CHMP1A: variants seen among roughly 807,000 people sequenced by gnomAD.
The protein encoded by CHMP1A is VPS46 homolog A.
CHMP1A carries 17 observed loss-of-function variants against 27.0 expected under a neutral mutation model. The ratio of observed to expected loss-of-function variants is 0.63; its 90% CI spans 0.43 to 0.95. The LOEUF (loss-of-function observed/expected upper bound fraction) is 0.95, where lower values mean the gene tolerates loss of function less well. Ranked by LOEUF, CHMP1A falls within the 40% of genes least tolerant of loss-of-function variation. The probability of loss-of-function intolerance (pLI) is 0.00; values close to 1 mark genes in which losing one functional copy is unlikely to be tolerated. For synonymous variants in CHMP1A, 131 were observed against 107.5 expected (o/e 1.22, Z -1.35); for missense variants, 275 against 264.0 (o/e 1.04, Z -0.29).
intron 4 of CHMP1A, 76 bp from the exon 5 acceptor site, chr16:89,647,407 G>A: frequency 1.4e-6 from 2 of 1,429,992 alleles, no homozygotes; most frequent in South Asian, 1.3e-5. Flanking sequence ...GGGTCCCCTG[G>A]ACTCTGACAG....
rs1267880219 is a variant in CHMP1A, at chr16:89,657,631, G to C, written c.-43C>G. ...CAGCACTCGGAGAGGGAGAAGGGAC[G>C]CCAACTCCGGGCGGTGTCAGGTCCC... On this transcript the variant is annotated 5_prime_UTR_variant, in exon 1 of 7. Transcript: ENST00000397901. The C allele has an allele frequency of 1.9e-6, 3 of 1,608,670 alleles. No individual in the cohort carries two copies. Among genetic ancestry groups the C allele is most frequent in the Non-Finnish European group, 2.5e-6 (3 of 1,178,226 alleles).
chr16:89,651,765 C>G, intron 2 of CHMP1A, 119 bp from the exon 3 acceptor site: 2 of 970,474 alleles, frequency 2.1e-6, no homozygotes, highest in Non-Finnish European at 3.0e-6. Flanking sequence ...AAGCCCCCAT[C>G]AGCCAGCCTG....
At chr16:89,649,539 G>A (rs199772076) in intron 3 of CHMP1A, 42 bp from the exon 4 acceptor site, 3 of 1,610,792 alleles carry the variant, frequency 1.9e-6, no homozygotes, top group Non-Finnish European at 2.5e-6. Flanking sequence ...GCTTGGTGGT[G>A]TGTGTGCCCC....
chr16:89,650,114 A>G (rs1597788498), intron 3 of CHMP1A, among the ~76,000 whole-genome samples: 1 of 152,156 alleles, frequency 6.6e-6, no homozygotes, highest in Non-Finnish European at 1.5e-5. Flanking sequence ...CCAAAGTCCA[A>G]TACGCTGGGA....
intron 3 of CHMP1A, 47 bp from the exon 4 acceptor site, chr16:89,649,544 T>C (rs775307109): frequency 3.3e-5 from 53 of 1,608,156 alleles, no homozygotes; most frequent in Non-Finnish European, 4.2e-5. Flanking sequence ...GTGGTGTGTG[T>C]GCCCCCTGCT....
intron 5 of CHMP1A, 135 bp from the exon 6 acceptor site, chr16:89,646,849 T>C: frequency 3.7e-6 from 4 of 1,093,948 alleles, no homozygotes; most frequent in South Asian, 1.5e-5. Flanking sequence ...TCTCAGTGAC[T>C]CTCTCTGTCT....
chr16:89,646,811 C>A (rs2059777420), intron 5 of CHMP1A, 97 bp from the exon 6 acceptor site: 2 of 1,299,472 alleles, frequency 1.5e-6, no homozygotes, highest in African/African-American at 2.9e-5. Flanking sequence ...CGTTCCCTCA[C>A]ACAGCCAGCC....
rs763955537 is a variant in CHMP1A at position 89,645,959 on chromosome 16, C to T, written c.*107G>A. 2.7e-5 allele frequency: 43 copies of T among 1,610,752 alleles called. No individual in the cohort carries two copies. The highest frequency in any genetic ancestry group is 4.5e-5 in the East Asian group (2 of 44,754). ...CAGGTGAGAGACGCAGAGTGGCTGCCGGCCGCAGCCCCGCGGGGTCAGCAC... is the reference window on the plus strand; with the variant it reads ...CAGGTGAGAGACGCAGAGTGGCTGCTGGCCGCAGCCCCGCGGGGTCAGCAC... On this transcript the variant is annotated 3_prime_UTR_variant, in exon 7 of 7. Transcript: ENST00000397901.
intron 1 of CHMP1A, among the ~76,000 whole-genome samples, chr16:89,655,363 T>C (rs434239): frequency 9.1e-5 from 11 of 120,336 alleles, no homozygotes; most frequent in Non-Finnish European, 1.2e-4. Context: ...GCCCTCCTCA[T>C]CTCAGCTTTC....
intron 3 of CHMP1A, 62 bp downstream of exon 3, chr16:89,651,507 G>A: frequency 3.3e-6 from 5 of 1,507,884 alleles, no homozygotes; most frequent in South Asian, 2.3e-5. Context: ...ACAAAAATAA[G>A]GGCAGAAAAG....
At chr16:89,656,018 C>G (rs1481441506) in intron 1 of CHMP1A, among the ~76,000 whole-genome samples, 1 of 152,042 alleles carries the variant, frequency 6.6e-6, no homozygotes, top group Non-Finnish European at 1.5e-5. Context: ...CCGGCCTGGC[C>G]AGCATATTTT....
chr16:89,646,774 G>C (rs903110082), intron 5 of CHMP1A, 60 bp from the exon 6 acceptor site: 3 of 1,538,246 alleles, frequency 2.0e-6, no homozygotes, highest in African/African-American at 1.4e-5. Context: ...GCCCCACTCA[G>C]CTTCACAAGG....
chr16:89,650,975 T>C (rs1046058140), intron 3 of CHMP1A, among the ~76,000 whole-genome samples: 1 of 152,188 alleles, frequency 6.6e-6, no homozygotes, highest in African/African-American at 2.4e-5. Flanking sequence ...TGGCAGGGGC[T>C]GTAGGGCAGG....
intron 1 of CHMP1A, among the ~76,000 whole-genome samples, chr16:89,654,290 C>A (rs2059847221): frequency 6.6e-6 from 1 of 152,202 alleles, no homozygotes; most frequent in African/African-American, 2.4e-5. Flanking sequence ...ATAATTAATG[C>A]AACTTTGCAA....
In CHMP1A at chr16:89,647,385, C is replaced by T. The variant is rs116472480; in HGVS notation, c.253-54G>A. 1.0e-3 allele frequency: 1,548 copies of T among 1,548,318 alleles called. 15 individuals are homozygous for T. In the African/African-American group the frequency reaches 0.017, roughly 17 times the overall value. On this transcript the variant is annotated intron_variant, in intron 4 of 6. Transcript: ENST00000397901. Reference sequence around the variant, plus strand: ...CAGGATGAAAGGCAAGTGGAGCTCACGCACCAGGGACGGGTCCCCTGGACT... The same window carrying T: ...CAGGATGAAAGGCAAGTGGAGCTCATGCACCAGGGACGGGTCCCCTGGACT...
At chr16:89,657,392 G>A (rs2059892255) in intron 1 of CHMP1A, among the ~76,000 whole-genome samples, 190 bp downstream of exon 1, 1 of 150,920 alleles carries the variant, frequency 6.6e-6, no homozygotes, top group African/African-American at 2.4e-5. Context: ...GGGATCGGGG[G>A]ACGACGACCG....
chr16:89,647,152 A>C (rs767388592), intron 5 of CHMP1A, 51 bp downstream of exon 5: 27 of 1,594,350 alleles, frequency 1.7e-5, no homozygotes, highest in Non-Finnish European at 2.3e-5. Flanking sequence ...TGAGCTGCCC[A>C]CACACGCTCC....
Position 89,648,446 on chromosome 16 carries a change from G to A in CHMP1A, c.252+905C>T, listed in dbSNP as rs899307372. Reference sequence around the variant, plus strand: ...GGTGGAGAAAAGGCCGCCGACGTGGGGTCTCCAGGACTGCTGTGCCCTCCT... The same window carrying A: ...GGTGGAGAAAAGGCCGCCGACGTGGAGTCTCCAGGACTGCTGTGCCCTCCT... On this transcript the variant is annotated intron_variant, in intron 4 of 6. Coordinates refer to ENST00000397901, the MANE Select transcript of CHMP1A (RefSeq NM_002768.5). 2.0e-5 allele frequency among the ~76,000 whole-genome samples: 3 copies of A among 151,630 alleles called. 1 individual carries two copies. In the Middle Eastern group the frequency reaches 0.01, roughly 526 times the overall value.
At position 89,651,623 on chromosome 16, in the gene CHMP1A, C is replaced by G. The variant is rs187184327; in HGVS notation, c.51G>C (p.Lys17Asn). The change falls in exon 3 of 7, where the codon AAG becomes AAC. Residue 17 changes from lysine (K) to asparagine (N), a missense_variant. By Grantham distance (94) the Lys-to-Asn change is moderately conservative (BLOSUM62 0). Coordinates refer to ENST00000397901, the MANE Select transcript of CHMP1A (RefSeq NM_002768.5). ...QLKFTAKQLE[K>N]LAKKAEKDSK... ...AGTCCTTCTCCGCCTTCTTGGCCAG[C>G]TTCTCCAGCTGCTTCGCCGTGAACT... 1 of 1,613,762 alleles carries G rather than the reference C, an allele frequency of 6.2e-7. No individual in the cohort carries two copies. The highest frequency in any genetic ancestry group is 8.5e-7 in the Non-Finnish European group (1 of 1,179,848).
Sources: allele counts gnomAD v4.1 joint callset (sites outside exome capture counted in the v4.1 genomes callset), GRCh38; gene constraint gnomAD v4.1.1; transcripts MANE v1.5; gene names NCBI Gene and HGNC (gene_info 2026-07-23, HGNC 2026-07-21).